The following TNS1 variants were observed in gnomAD, a reference collection of about 807,000 sequenced individuals.
The protein encoded by TNS1 is tensin 1, also known as tensin-1.
Under a neutral mutation model 168.6 loss-of-function variants are expected in TNS1, and 62 were observed. The observed-to-expected ratio is 0.37, with a 90% CI of 0.30 to 0.45. The LOEUF (loss-of-function observed/expected upper bound fraction) is 0.45, where lower values mean the gene tolerates loss of function less well. Ranked by LOEUF, TNS1 falls within the 20% of genes least tolerant of loss-of-function variation. The pLI, the probability that TNS1 is intolerant of heterozygous loss-of-function variation, is 1.00. For synonymous variants in TNS1, 934 were observed against 933.2 expected, an observed-to-expected ratio of 1.00 and a Z score of -0.02; for missense variants, 2,240 against 2,339.4, an observed-to-expected ratio of 0.96 and a Z score of 0.88.
chr2:217,814,801 T>C (rs1284843046), intron 25 of TNS1, 111 bp downstream of exon 25: 1 of 829,446 alleles, frequency 1.2e-6, no homozygotes, highest in Non-Finnish European at 2.0e-6. Flanking sequence ...CCCTCTGTGA[T>C]GACCCCCTGC....
At chr2:217,892,878 G>A in intron 11 of TNS1, 70 bp downstream of exon 11, 1 of 1,521,348 alleles carries the variant, frequency 6.6e-7, no homozygotes, top group Non-Finnish European at 9.1e-7. Context: ...CAGAGAGGCT[G>A]TGGGTGGATG....
chr2:218,020,035 G>A (rs1310534435), intron 1 of TNS1, among the ~76,000 whole-genome samples: 1 of 152,100 alleles, frequency 6.6e-6, no homozygotes, highest in Admixed American at 6.6e-5. Flanking sequence ...GCAGTGGGTC[G>A]ATTGAACACA....
At chr2:217,983,196 C>T (rs1447239507) in intron 2 of TNS1, among the ~76,000 whole-genome samples, 1 of 152,180 alleles carries the variant, frequency 6.6e-6, no homozygotes, top group Non-Finnish European at 1.5e-5. Context: ...TGGGGACATG[C>T]AGGGAGAAAC....
intron 12 of TNS1, among the ~76,000 whole-genome samples, chr2:217,889,393 A>G (rs1462698891): frequency 6.6e-6 from 1 of 152,226 alleles, no homozygotes; most frequent in African/African-American, 2.4e-5. Flanking sequence ...ATGAGGCTGG[A>G]GAGCTCCAGG....
At chr2:217,941,556 C>G (rs1956913462) in intron 3 of TNS1, among the ~76,000 whole-genome samples, 1 of 152,166 alleles carries the variant, frequency 6.6e-6, no homozygotes. Flanking sequence ...TGCGAGTGGT[C>G]TGCGCCCACG....
chr2:217,903,566 C>T, intron 6 of TNS1: 1 of 1,528,150 alleles, frequency 6.5e-7, no homozygotes, highest in Non-Finnish European at 8.8e-7. Flanking sequence ...TTTCATCCAA[C>T]TCTCTAAACA....
chr2:218,018,954 G>A (rs955679538), intron 1 of TNS1, among the ~76,000 whole-genome samples: 14 of 152,228 alleles, frequency 9.2e-5, no homozygotes, highest in South Asian at 8.3e-4. Flanking sequence ...GCATGTGCCT[G>A]TAGTCCCAAC....
intron 4 of TNS1, among the ~76,000 whole-genome samples, chr2:217,916,300 AC>A (rs1954996999): frequency 6.9e-6 from 1 of 144,228 alleles, no homozygotes; most frequent in Non-Finnish European, 1.5e-5. Context: ...TCCCCTCCAG[AC>A]CCCCCACCCT....
At chr2:217,925,706 T>A (rs956048269) in intron 3 of TNS1, among the ~76,000 whole-genome samples, 5 of 152,182 alleles carry the variant, frequency 3.3e-5, no homozygotes, top group African/African-American at 1.2e-4. Flanking sequence ...TGGCATTAAG[T>A]ACATTCACGG....
intron 3 of TNS1, among the ~76,000 whole-genome samples, chr2:217,965,761 C>T (rs937465862): frequency 6.6e-6 from 1 of 152,178 alleles, no homozygotes; most frequent in Admixed American, 6.5e-5. Context: ...GCCAGCTCAA[C>T]GGGCACCACA....
At chr2:217,936,962 T>C in intron 3 of TNS1, 1 of 456,868 alleles carries the variant, frequency 2.2e-6, no homozygotes, top group South Asian at 1.5e-5. Flanking sequence ...CCACGCTTGT[T>C]ATTTCTCCTT....
intron 12 of TNS1, among the ~76,000 whole-genome samples, chr2:217,890,025 C>G (rs1427179536): frequency 6.6e-6 from 1 of 152,260 alleles, no homozygotes; most frequent in Non-Finnish European, 1.5e-5. Context: ...AGGCACTGCC[C>G]TAGCCCAGGC....
chr2:217,843,613 A>G (rs1299266622), intron 19 of TNS1, among the ~76,000 whole-genome samples: 1 of 152,112 alleles, frequency 6.6e-6, no homozygotes, highest in African/African-American at 2.4e-5. Flanking sequence ...AGGGCTGCCT[A>G]ATTTGCAAGC....
chr2:217,848,189 C>A lies in TNS1; in HGVS notation c.2328G>T (p.Gln776His). ...GCTGCTGCTGCTGCTGCTGCTGCTG[C>A]TGCCACGAATTCAGTCCCCTTTGCA... Reference protein sequence around the residue: ...EAVQRGLNSWQQQQQQQQQPR... With the variant: ...EAVQRGLNSWHQQQQQQQQPR... Residue 776 changes from glutamine (Q) to histidine (H), a missense_variant, in exon 19 of 33, where the codon CAG becomes CAT. Physicochemically the swap from Gln to His is conservative, Grantham distance 24 (BLOSUM62 0). Coordinates refer to ENST00000682258, the MANE Select transcript of TNS1 (RefSeq NM_001387777.1). 6.2e-7 allele frequency: 1 copy of A among 1,604,908 alleles called. No individual in the cohort carries two copies. The highest frequency in any genetic ancestry group is 8.5e-7 in the Non-Finnish European group (1 of 1,175,262).
intron 1 of TNS1, among the ~76,000 whole-genome samples, chr2:218,031,274 T>C (rs899139546): frequency 1.5e-5 from 2 of 137,170 alleles, no homozygotes; most frequent in African/African-American, 3.2e-5. Flanking sequence ...GTGTTGTGTG[T>C]GAGCGTGTAT....
intron 1 of TNS1, among the ~76,000 whole-genome samples, chr2:218,002,309 A>C (rs560117362): frequency 6.6e-6 from 1 of 152,294 alleles, no homozygotes; most frequent in South Asian, 2.1e-4. Flanking sequence ...AAGGGATGGC[A>C]GTGGGTGGAA....
upstream of TNS1, among the ~76,000 whole-genome samples, chr2:218,013,110 G>A (rs1414193607): frequency 6.6e-6 from 1 of 151,778 alleles, no homozygotes; most frequent in Non-Finnish European, 1.5e-5. Context: ...AAAAAAATTA[G>A]CGGTGCGTGG....
chr2:217,973,446 T>C (rs1051801114), intron 3 of TNS1, among the ~76,000 whole-genome samples: 1 of 150,396 alleles, frequency 6.6e-6, no homozygotes, highest in Non-Finnish European at 1.5e-5. Context: ...GAGAAACAAC[T>C]GGGGACAGAT....
intron 3 of TNS1, among the ~76,000 whole-genome samples, chr2:217,942,845 C>T (rs563811502): frequency 1.3e-5 from 2 of 152,162 alleles, no homozygotes; most frequent in Non-Finnish European, 2.9e-5. Flanking sequence ...CCATCCCCTC[C>T]CCTGCAGGGA....
Sources: gnomAD v4.1 joint callset for allele counts (sites outside exome capture counted in the v4.1 genomes callset) on GRCh38, gnomAD v4.1.1 for gene constraint, MANE v1.5 for transcripts, NCBI Gene and HGNC (gene_info 2026-07-23, HGNC 2026-07-21) for gene names.